The following AVL9 variants were observed in gnomAD, a reference collection of about 807,000 sequenced individuals.
AVL9 encodes the protein AVL9 cell migration associated.
Under a neutral mutation model 79.2 loss-of-function variants are expected in AVL9, and 49 were observed. The observed-to-expected ratio is 0.62, with a 90% confidence interval of 0.49 to 0.79. The LOEUF (loss-of-function observed/expected upper bound fraction) is 0.79, where lower values mean the gene tolerates loss of function less well. Ranked by LOEUF, AVL9 falls within the 30% of genes least tolerant of loss-of-function variation. The pLI, the probability that AVL9 is intolerant of heterozygous loss-of-function variation, is 0.00. For missense variants in AVL9, 682 were observed against 776.8 expected, an observed-to-expected ratio of 0.88 and a Z score of 1.45; for synonymous variants, 299 against 280.6, an observed-to-expected ratio of 1.07 and a Z score of -0.65.
chr7:32,514,073 G>A (rs114848676), intron 1 of AVL9, among the ~76,000 whole-genome samples: 1,721 of 152,302 alleles, frequency 0.011, 35 homozygotes, highest in African/African-American at 0.038. Context: ...TTTACACCAA[G>A]TCATTCCATT....
At chr7:32,549,954 G>GAATGGCAAAAAAGAAAAGA (rs1223286013) in intron 4 of AVL9, among the ~76,000 whole-genome samples, 19 of 151,772 alleles carry the variant, frequency 1.3e-4, no homozygotes, top group African/African-American at 4.6e-4. Context: ...AAAAGAAAAG[G>GAATGGCAAAAAAGAAAAGA]AATGGCTATT....
At chr7:32,561,775 C>T (rs1790344584) in intron 10 of AVL9, among the ~76,000 whole-genome samples, 1 of 152,248 alleles carries the variant, frequency 6.6e-6, no homozygotes, top group Admixed American at 6.5e-5. Flanking sequence ...CAGCTTTTGA[C>T]ATGCCTTCCT....
intron 1 of AVL9, among the ~76,000 whole-genome samples, chr7:32,514,840 CTT>C (rs1349342446): frequency 6.6e-6 from 1 of 152,188 alleles, no homozygotes; most frequent in Non-Finnish European, 1.5e-5. Flanking sequence ...CACTGACTCT[CTT>C]TTCGGACTCA....
rs983384817 is a variant in AVL9, at chr7:32,585,844, C to CCAAA, written c.*1942_*1945dup. ...GCTGTTTGAAGAGAAGAAAGTAGTA[C>CCAAA]CAAACAAAAACCTTAAACAGTACTT... On this transcript the variant is annotated 3_prime_UTR_variant, in exon 16 of 16. Coordinates refer to ENST00000318709, the MANE Select transcript of AVL9 (RefSeq NM_015060.3). The CCAAA allele has an allele frequency of 3.3e-5, 5 of 152,196 alleles. No homozygotes were observed. Among genetic ancestry groups the CCAAA allele is most frequent in the Admixed American group, 1.3e-4 (2 of 15,268 alleles). 9.4% of individuals were successfully genotyped at this position (152,196 alleles called of 1,614,324 possible).
chr7:32,527,011 C>G (rs993242358), intron 1 of AVL9, among the ~76,000 whole-genome samples: 4 of 152,126 alleles, frequency 2.6e-5, no homozygotes, highest in African/African-American at 7.2e-5. Flanking sequence ...TGTCTCAAAA[C>G]TATGCAAGCA....
chr7:32,581,012 A>C (rs1350055616), intron 15 of AVL9, 122 bp downstream of exon 15: 1 of 805,918 alleles, frequency 1.2e-6, no homozygotes, highest in Non-Finnish European at 1.9e-6. Flanking sequence ...ATAGTAATAC[A>C]AGAGTTTTTT....
rs758814452 is a variant in AVL9, at chr7:32,569,990, G to C, written c.1216-30G>C. 8 of 1,610,310 alleles carry C rather than the reference G, an allele frequency of 5.0e-6. No individual in the cohort carries two copies. The South Asian group carries it at 8.8e-5, about 18-fold the overall frequency. On this transcript the variant is annotated intron_variant, in intron 10 of 15. Coordinates refer to ENST00000318709, the MANE Select transcript of AVL9 (RefSeq NM_015060.3). ...GAGAAAGGTAACCTTTTACTTTTCT[G>C]ATATTTTCTATTACTCTTCTAATTC...
rs1003377569 is a variant in AVL9, at chr7:32,495,559, G to T, written c.-151G>T. The T allele has an allele frequency of 3.0e-5, 13 of 434,938 alleles. No homozygotes were observed. The highest frequency in any genetic ancestry group is 5.2e-5 in the Non-Finnish European group (13 of 250,976). The allele number at this position is 434,938 out of a possible 1,614,324, so 26.9% of individuals were successfully genotyped here. On this transcript the variant is annotated 5_prime_UTR_variant, in exon 1 of 16. It introduces an in-frame stop codon into an upstream open reading frame of the 5' UTR. Transcript: ENST00000318709. ...GCGGCCGTGGCCCTGGGGGCGGCGGGAGCTGCTTTGCCTCCACCGATCTCC... is the reference window on the plus strand; with the variant it reads ...GCGGCCGTGGCCCTGGGGGCGGCGGTAGCTGCTTTGCCTCCACCGATCTCC...
chr7:32,508,563 T>C (rs915891272), intron 1 of AVL9, among the ~76,000 whole-genome samples: 5 of 152,240 alleles, frequency 3.3e-5, no homozygotes, highest in Non-Finnish European at 5.9e-5. Context: ...TCTCGAATGT[T>C]CAGTATCCAT....
chr7:32,503,367 T>G (rs199759266), intron 1 of AVL9, among the ~76,000 whole-genome samples: 14 of 88,308 alleles, frequency 1.6e-4, no homozygotes, highest in African/African-American at 4.5e-4. Flanking sequence ...GAGAGATATA[T>G]ATATATACAC....
chr7:32,517,309 C>CTTT (rs1054366807), intron 1 of AVL9, among the ~76,000 whole-genome samples: 1 of 142,456 alleles, frequency 7.0e-6, no homozygotes, highest in Non-Finnish European at 1.5e-5. Context: ...TTTTCTTTTT[C>CTTT]TTTTTTTTTT....
chr7:32,520,671 TATA>T (rs1383008496), intron 1 of AVL9, among the ~76,000 whole-genome samples: 2 of 152,220 alleles, frequency 1.3e-5, no homozygotes, highest in African/African-American at 4.8e-5. Context: ...TGAATATGCC[TATA>T]ACCCAGGTCA....
At chr7:32,502,404 A>AG (rs1562748564) in intron 1 of AVL9, among the ~76,000 whole-genome samples, 22 of 146,078 alleles carry the variant, frequency 1.5e-4, no homozygotes, top group African/African-American at 4.0e-4. Flanking sequence ...AAAAAAAAAA[A>AG]AAAAAGAAAG....
intron 4 of AVL9, among the ~76,000 whole-genome samples, chr7:32,550,518 C>T (rs1212505672): frequency 1.3e-5 from 2 of 152,052 alleles, no homozygotes; most frequent in Non-Finnish European, 2.9e-5. Context: ...TGATGGGAAT[C>T]ATGATATATT....
intron 1 of AVL9, among the ~76,000 whole-genome samples, chr7:32,496,830 T>C (rs1411823324): frequency 1.3e-5 from 2 of 152,196 alleles, no homozygotes; most frequent in African/African-American, 4.8e-5. Flanking sequence ...TTTTGAAATA[T>C]ATCCTCACAC....
At chr7:32,576,492 A>G (rs371261456) in intron 13 of AVL9, among the ~76,000 whole-genome samples, 1 of 152,246 alleles carries the variant, frequency 6.6e-6, no homozygotes, top group East Asian at 1.9e-4. Context: ...TGCGAAACCA[A>G]TTAAAGTTAA....
chr7:32,574,472 C>T (rs2128151292), intron 12 of AVL9, among the ~76,000 whole-genome samples: 1 of 152,252 alleles, frequency 6.6e-6, no homozygotes, highest in African/African-American at 2.4e-5. Flanking sequence ...ACTTCAGTCT[C>T]CACTGCCATG....
At chr7:32,540,851 G>A (rs903128277) in intron 1 of AVL9, among the ~76,000 whole-genome samples, 6 of 129,280 alleles carry the variant, frequency 4.6e-5, no homozygotes, top group African/African-American at 1.6e-4. Context: ...TTAAAAATGA[G>A]ATTAAGCATT....
intron 3 of AVL9, among the ~76,000 whole-genome samples, chr7:32,546,676 A>G (rs1299451445): frequency 6.6e-6 from 1 of 152,036 alleles, no homozygotes; most frequent in Non-Finnish European, 1.5e-5. Flanking sequence ...TAAAAAAATT[A>G]GCCAGGTGTG....
Sources: gnomAD v4.1 joint callset for allele counts (sites outside exome capture counted in the v4.1 genomes callset) on GRCh38, gnomAD v4.1.1 for gene constraint, MANE v1.5 for transcripts, NCBI Gene and HGNC (gene_info 2026-07-23, HGNC 2026-07-21) for gene names.